The following NCAM2 variants were observed in gnomAD, a reference collection of about 807,000 sequenced individuals.
The protein encoded by NCAM2 is neural cell adhesion molecule 2.
NCAM2 carries 30 observed loss-of-function variants against 98.1 expected under a neutral mutation model. That is an observed-to-expected ratio of 0.31 (90% CI 0.23 to 0.41). The LOEUF (loss-of-function observed/expected upper bound fraction) is 0.41, where lower values mean the gene tolerates loss of function less well. Ranked by LOEUF, NCAM2 falls within the 10% of genes least tolerant of loss-of-function variation. The pLI, the probability that NCAM2 is intolerant of heterozygous loss-of-function variation, is 1.00. For synonymous variants in NCAM2, 368 were observed against 342.4 expected (o/e 1.07, Z -0.83); for missense variants, 867 against 1,005.8 (o/e 0.86, Z 1.87).
intron 1 of NCAM2, among the ~76,000 whole-genome samples, chr21:21,275,440 AAAAAAAT>A (rs1446406111): frequency 2.0e-4 from 31 of 151,978 alleles, no homozygotes; most frequent in Admixed American, 2.0e-3. Flanking sequence ...ACTCTGTCAT[AAAAAAAT>A]AAAAAATAAA....
At chr21:21,339,046 G>A (rs1010642889) in intron 8 of NCAM2, among the ~76,000 whole-genome samples, 6 of 152,134 alleles carry the variant, frequency 3.9e-5, no homozygotes, top group African/African-American at 1.4e-4. Flanking sequence ...TGGGATTGGC[G>A]AAGAAGATTT....
At chr21:21,514,457 C>T (rs1466995303) in intron 16 of NCAM2, among the ~76,000 whole-genome samples, 4 of 94,110 alleles carry the variant, frequency 4.3e-5, no homozygotes, top group African/African-American at 1.7e-4. Context: ...AAGAGCAAAA[C>T]TTTGTCTCAA....
intron 1 of NCAM2, among the ~76,000 whole-genome samples, chr21:21,051,216 T>A (rs2065101875): frequency 6.6e-6 from 1 of 151,672 alleles, no homozygotes; most frequent in Non-Finnish European, 1.5e-5. Flanking sequence ...CCTGACCATC[T>A]CAGAAAAAAT....
intron 1 of NCAM2, among the ~76,000 whole-genome samples, chr21:21,142,071 T>C (rs962721537): frequency 2.0e-5 from 3 of 152,238 alleles, no homozygotes; most frequent in Non-Finnish European, 2.9e-5. Context: ...ATGTTACATC[T>C]TGATCTCCTT....
intron 1 of NCAM2, among the ~76,000 whole-genome samples, chr21:21,149,746 A>G (rs572929624): frequency 6.6e-6 from 1 of 152,034 alleles, no homozygotes; most frequent in East Asian, 1.9e-4. Flanking sequence ...ACATGATCTC[A>G]TTATTTTTTA....
At chr21:21,068,376 C>T (rs1019101381) in intron 1 of NCAM2, among the ~76,000 whole-genome samples, 9 of 151,326 alleles carry the variant, frequency 5.9e-5, no homozygotes, top group Non-Finnish European at 1.0e-4. Flanking sequence ...TCAGGTGATC[C>T]GCCTGCCTTG....
intron 1 of NCAM2, among the ~76,000 whole-genome samples, chr21:21,256,777 T>A (rs2071690256): frequency 6.6e-6 from 1 of 152,136 alleles, no homozygotes; most frequent in African/African-American, 2.4e-5. Flanking sequence ...AGAAGTCGAG[T>A]CATTTCTGTG....
At chr21:21,259,541 C>T (rs1007868482) in intron 1 of NCAM2, among the ~76,000 whole-genome samples, 1 of 151,440 alleles carries the variant, frequency 6.6e-6, no homozygotes, top group Non-Finnish European at 1.5e-5. Context: ...CTTAAACAGC[C>T]TACCAGAGGA....
intron 1 of NCAM2, among the ~76,000 whole-genome samples, chr21:21,024,704 C>T (rs748368488): frequency 3.9e-5 from 6 of 152,076 alleles, no homozygotes; most frequent in East Asian, 3.9e-4. Context: ...GGCGAAACCC[C>T]GTCTCTACTA....
intron 8 of NCAM2, among the ~76,000 whole-genome samples, chr21:21,358,767 A>G (rs1055917211): frequency 6.6e-6 from 1 of 152,042 alleles, no homozygotes; most frequent in Non-Finnish European, 1.5e-5. Context: ...TCTACCATTT[A>G]TAAATAAGTT....
chr21:21,006,188 A>G (rs1287793329), intron 1 of NCAM2, among the ~76,000 whole-genome samples: 1 of 152,022 alleles, frequency 6.6e-6, no homozygotes, highest in Non-Finnish European at 1.5e-5. Flanking sequence ...AAACCAGGGG[A>G]TGATGTGTTA....
intron 2 of NCAM2, among the ~76,000 whole-genome samples, chr21:21,281,895 T>C (rs2072942453): frequency 6.6e-6 from 1 of 151,630 alleles, no homozygotes; most frequent in Non-Finnish European, 1.5e-5. Flanking sequence ...AAATAAAAGA[T>C]ATAGTTATAA....
intron 1 of NCAM2, among the ~76,000 whole-genome samples, chr21:21,102,830 C>T (rs1417781141): frequency 1.3e-5 from 2 of 151,944 alleles, no homozygotes; most frequent in African/African-American, 4.8e-5. Context: ...AGGCACCATT[C>T]TCTGTATGTT....
At chr21:21,424,975 G>T (rs746388125) in intron 11 of NCAM2, among the ~76,000 whole-genome samples, 1 of 140,670 alleles carries the variant, frequency 7.1e-6, no homozygotes, top group African/African-American at 2.7e-5. Flanking sequence ...GGCGGAAGTT[G>T]CAGTGAGCTG....
intron 1 of NCAM2, among the ~76,000 whole-genome samples, chr21:21,077,679 C>T (rs2065708058): frequency 6.6e-6 from 1 of 152,060 alleles, no homozygotes; most frequent in Non-Finnish European, 1.5e-5. Flanking sequence ...CAAATAGAGG[C>T]AGTAACTCAA....
intron 1 of NCAM2, among the ~76,000 whole-genome samples, chr21:21,017,641 A>G (rs1365147379): frequency 2.0e-5 from 3 of 152,068 alleles, no homozygotes; most frequent in Non-Finnish European, 4.4e-5. Flanking sequence ...AAAGCTGCAC[A>G]GTGAATCAAA....
chr21:21,244,644 C>G (rs540619507), intron 1 of NCAM2, among the ~76,000 whole-genome samples: 1 of 151,812 alleles, frequency 6.6e-6, no homozygotes, highest in Non-Finnish European at 1.5e-5. Context: ...GTCAAGAGAT[C>G]GAGACCATCC....
At chr21:21,468,035 A>G (rs1983952153) in intron 13 of NCAM2, among the ~76,000 whole-genome samples, 1 of 152,034 alleles carries the variant, frequency 6.6e-6, no homozygotes, top group South Asian at 2.1e-4. Context: ...TCTATTCAAA[A>G]CAATATAAGC....
chr21:21,231,756 CAT>C (rs943576827), intron 1 of NCAM2, among the ~76,000 whole-genome samples: 8 of 151,414 alleles, frequency 5.3e-5, no homozygotes, highest in East Asian at 3.9e-4. Context: ...CAACCAAACA[CAT>C]GTTACCTTAA....
Sources: gnomAD v4.1 joint callset for allele counts (sites outside exome capture counted in the v4.1 genomes callset) on GRCh38, gnomAD v4.1.1 for gene constraint, MANE v1.5 for transcripts, NCBI Gene and HGNC (gene_info 2026-07-23, HGNC 2026-07-21) for gene names.